Variants in PAK5 observed in about 807,000 individuals in gnomAD.
PAK5 encodes serine/threonine-protein kinase PAK 5.
PAK5 carries 16 observed loss-of-function variants against 65.9 expected under a neutral mutation model. That is an observed-to-expected ratio of 0.24 (90% CI 0.16 to 0.37). PAK5 has a LOEUF of 0.37. PAK5 is among the 10% of genes least tolerant of loss of function. The pLI is 1.00. For synonymous variants in PAK5, 371 were observed against 354.9 expected (o/e 1.05, Z -0.51); for missense variants, 785 against 903.9 (o/e 0.87, Z 1.69).
At chr20:9,683,202 G>C (rs1352178341) in intron 2 of PAK5, among the ~76,000 whole-genome samples, 1 of 152,154 alleles carries the variant, frequency 6.6e-6, no homozygotes, top group Non-Finnish European at 1.5e-5. Context: ...TGCAATTTAG[G>C]TTCCTGCCTC....
intron 1 of PAK5, among the ~76,000 whole-genome samples, chr20:9,746,624 G>T (rs1007860411): frequency 6.6e-6 from 1 of 152,090 alleles, no homozygotes; most frequent in African/African-American, 2.4e-5. Flanking sequence ...TAATTCATTA[G>T]CCATTAGCCA....
intron 2 of PAK5, among the ~76,000 whole-genome samples, chr20:9,710,385 C>A (rs1433827497): frequency 6.6e-6 from 1 of 152,158 alleles, no homozygotes; most frequent in East Asian, 1.9e-4. Flanking sequence ...ACATCATAAG[C>A]AGTTCTTTGA....
At chr20:9,654,795 C>T (rs898447004) in intron 2 of PAK5, among the ~76,000 whole-genome samples, 1 of 152,082 alleles carries the variant, frequency 6.6e-6, no homozygotes, top group African/African-American at 2.4e-5. Flanking sequence ...CTTAAAGCCC[C>T]TCATCCCCTC....
chr20:9,627,526 A>G (rs1242743448), intron 3 of PAK5, among the ~76,000 whole-genome samples: 6 of 152,244 alleles, frequency 3.9e-5, no homozygotes, highest in Non-Finnish European at 2.9e-5. Context: ...TTCAGGTGAA[A>G]GATACCACTG....
At chr20:9,755,628 G>A (rs571583265) in intron 1 of PAK5, among the ~76,000 whole-genome samples, 4 of 152,256 alleles carry the variant, frequency 2.6e-5, no homozygotes, top group South Asian at 4.1e-4. Flanking sequence ...TGCAAAACAC[G>A]GCAGTGTGTG....
intron 1 of PAK5, among the ~76,000 whole-genome samples, chr20:9,792,716 TG>T (rs1426283603): frequency 6.6e-6 from 1 of 152,172 alleles, no homozygotes; most frequent in Non-Finnish European, 1.5e-5. Flanking sequence ...CAGAGATGAC[TG>T]ATATTCCATT....
chr20:9,542,530 G>C, intron 9 of PAK5, 56 bp downstream of exon 9: 1 of 1,582,744 alleles, frequency 6.3e-7, no homozygotes, highest in Non-Finnish European at 8.7e-7. Flanking sequence ...AAACCAGAGA[G>C]ATACAGGAAA....
intron 1 of PAK5, among the ~76,000 whole-genome samples, chr20:9,772,054 A>C (rs1199592688): frequency 6.6e-6 from 1 of 152,178 alleles, no homozygotes; most frequent in Non-Finnish European, 1.5e-5. Context: ...ATAAAAAACA[A>C]AAATAAATTA....
intron 3 of PAK5, among the ~76,000 whole-genome samples, chr20:9,592,824 G>A (rs183807315): frequency 1.6e-3 from 239 of 152,284 alleles, no homozygotes; most frequent in Non-Finnish European, 2.9e-3. Context: ...ATGCAGCAAG[G>A]TCAAAGACTG....
chr20:9,641,939 G>A (rs182024120), intron 3 of PAK5, among the ~76,000 whole-genome samples: 167 of 152,142 alleles, frequency 1.1e-3, no homozygotes, highest in African/African-American at 3.6e-3. Flanking sequence ...CGCAAGCACC[G>A]CATGCAGCCC....
intron 4 of PAK5, among the ~76,000 whole-genome samples, chr20:9,569,301 T>C (rs914137672): frequency 3.3e-5 from 5 of 152,022 alleles, no homozygotes; most frequent in Admixed American, 2.6e-4. Flanking sequence ...CATGTGGAGG[T>C]GTCACTTAGG....
chr20:9,545,545 C>G (rs980777754), intron 7 of PAK5, among the ~76,000 whole-genome samples: 1 of 152,142 alleles, frequency 6.6e-6, no homozygotes, highest in African/African-American at 2.4e-5. Context: ...TCTTAATTCT[C>G]TTCACACCTC....
chr20:9,783,184 C>A (rs2048960426), intron 1 of PAK5, among the ~76,000 whole-genome samples: 1 of 152,114 alleles, frequency 6.6e-6, no homozygotes, highest in Admixed American at 6.6e-5. Flanking sequence ...GATGCACCCA[C>A]CCTAGCCTCC....
intron 3 of PAK5, among the ~76,000 whole-genome samples, chr20:9,615,589 C>T (rs1328814204): frequency 1.3e-5 from 2 of 152,198 alleles, no homozygotes; most frequent in African/African-American, 4.8e-5. Context: ...AGAATAAGTC[C>T]TTCGTTGAAG....
chr20:9,567,988 C>T (rs1466429649), intron 4 of PAK5, among the ~76,000 whole-genome samples: 1 of 152,110 alleles, frequency 6.6e-6, no homozygotes, highest in Non-Finnish European at 1.5e-5. Context: ...GGGAGTGGCA[C>T]ATGCAGGATT....
intron 6 of PAK5, among the ~76,000 whole-genome samples, chr20:9,558,620 C>A (rs1048939626): frequency 1.3e-5 from 2 of 152,174 alleles, no homozygotes; most frequent in Non-Finnish European, 2.9e-5. Flanking sequence ...GCAAAGTGGT[C>A]TTTGCATCTC....
chr20:9,768,827 A>G, intron 1 of PAK5, among the ~76,000 whole-genome samples: 1 of 151,212 alleles, frequency 6.6e-6, no homozygotes, highest in African/African-American at 2.4e-5. Context: ...GAAAGAAAAA[A>G]AAAAAACCAT....
At chr20:9,582,778 T>A (rs1432992737) in intron 3 of PAK5, among the ~76,000 whole-genome samples, 1 of 152,128 alleles carries the variant, frequency 6.6e-6, no homozygotes, top group Non-Finnish European at 1.5e-5. Flanking sequence ...ACTCATTCAA[T>A]CATTTATTTA....
intron 3 of PAK5, among the ~76,000 whole-genome samples, chr20:9,602,291 AAAATAAATAAATAAATAAATAAATAAAT>A (rs200878141): frequency 7.0e-6 from 1 of 141,880 alleles, no homozygotes; most frequent in African/African-American, 2.6e-5. Flanking sequence ...CTCTGTCTCA[AAAATAAATAAATAAATAAATAAATAAAT>A]AAATAAATAA....
Sources: gnomAD v4.1 joint callset for allele counts (sites outside exome capture counted in the v4.1 genomes callset) on GRCh38, gnomAD v4.1.1 for gene constraint, MANE v1.5 for transcripts, NCBI Gene and HGNC (gene_info 2026-07-23, HGNC 2026-07-21) for gene names.